Variants in RYR3 observed in about 807,000 individuals in gnomAD.
RYR3 encodes the protein ryanodine receptor 3.
A neutral mutation model predicts 584.3 loss-of-function variants in RYR3; 207 were observed. That is an observed-to-expected ratio of 0.35 (90% CI 0.32 to 0.40). The LOEUF (loss-of-function observed/expected upper bound fraction) is 0.40. RYR3 is among the 10% of genes least tolerant of loss of function. RYR3 has a pLI of 1.00. For missense variants in RYR3, 5,616 were observed against 6,089.2 expected, an observed-to-expected ratio of 0.92 and a Z score of 2.59; for synonymous variants, 2,416 against 2,248.5, an observed-to-expected ratio of 1.07 and a Z score of -2.11.
chr15:33,325,484 T>C (rs754740145), intron 1 of RYR3, among the ~76,000 whole-genome samples: 3 of 152,188 alleles, frequency 2.0e-5, no homozygotes, highest in Non-Finnish European at 4.4e-5. Context: ...TGTTTCTACT[T>C]TTATATTACT....
intron 2 of RYR3, among the ~76,000 whole-genome samples, chr15:33,489,066 G>C (rs2050743089): frequency 6.6e-6 from 1 of 152,072 alleles, no homozygotes; most frequent in African/African-American, 2.4e-5. Flanking sequence ...CTTCTAACTT[G>C]CTGTAAAATG....
rs1463417369 is a variant in RYR3 at position 33,722,767 on chromosome 15, C to T, written c.6672C>T (p.Arg2224=). ...ASVVVKLLIR[R]PECFGPALRG... ...TTGTGGTCAAGCTGCTCATCAGACG[C>T]CCAGAGTGCTTCGGCCCGGCCCTGC... is the stretch of plus-strand genomic sequence containing the variant. The change falls in exon 44 of 104, where the codon CGC becomes CGT. Residue 2224 remains arginine (R), a synonymous_variant. Transcript: ENST00000634891. 2 of 1,613,370 alleles carry T rather than the reference C, an allele frequency of 1.2e-6. No homozygotes were observed. The highest frequency in any genetic ancestry group is 8.5e-7 in the Non-Finnish European group (1 of 1,179,654).
chr15:33,497,256 G>C (rs1315416901), intron 2 of RYR3, among the ~76,000 whole-genome samples: 1 of 151,998 alleles, frequency 6.6e-6, no homozygotes, highest in Non-Finnish European at 1.5e-5. Context: ...CAAATGAGAG[G>C]TCCCAGTGGG....
At chr15:33,606,774 T>C (rs565258045) in intron 18 of RYR3, among the ~76,000 whole-genome samples, 69 of 152,280 alleles carry the variant, frequency 4.5e-4, no homozygotes, top group African/African-American at 1.6e-3. Context: ...CACAGTATGT[T>C]ACTGGCTGGG....
At chr15:33,343,620 T>C (rs1012980166) in intron 1 of RYR3, among the ~76,000 whole-genome samples, 7 of 152,214 alleles carry the variant, frequency 4.6e-5, no homozygotes, top group Non-Finnish European at 1.0e-4. Context: ...AAAGAAATTG[T>C]TGTTATCAGT....
intron 3 of RYR3, among the ~76,000 whole-genome samples, chr15:33,517,204 A>G (rs1270852693): frequency 6.6e-6 from 1 of 152,286 alleles, no homozygotes; most frequent in South Asian, 2.1e-4. Flanking sequence ...CGTGTTGGCC[A>G]GGGTGGTCTT....
At chr15:33,834,795 C>T (rs981585801) in intron 86 of RYR3, among the ~76,000 whole-genome samples, 173 bp from the exon 87 acceptor site, 4 of 152,088 alleles carry the variant, frequency 2.6e-5, no homozygotes, top group Admixed American at 2.6e-4. Context: ...ATATGGTATC[C>T]TATAATCAGG....
chr15:33,781,926 A>G (rs2074412039), intron 65 of RYR3, among the ~76,000 whole-genome samples: 1 of 147,206 alleles, frequency 6.8e-6, no homozygotes, highest in South Asian at 2.2e-4. Context: ...CTGGCTTTCC[A>G]CCAAAGTGGA....
At chr15:33,853,508 T>G in intron 95 of RYR3, 47 bp from the exon 96 acceptor site, 2 of 1,595,564 alleles carry the variant, frequency 1.3e-6, no homozygotes, top group Non-Finnish European at 1.7e-6. Context: ...AGAAAATATT[T>G]GGTGGTGGCG....
At chr15:33,633,676 G>T (rs1184502532) in intron 24 of RYR3, among the ~76,000 whole-genome samples, 1 of 152,186 alleles carries the variant, frequency 6.6e-6, no homozygotes, top group East Asian at 1.9e-4. Context: ...TGCAAACTAT[G>T]GGGGGAGGAG....
At chr15:33,492,559 G>A (rs866869353) in intron 2 of RYR3, among the ~76,000 whole-genome samples, 1 of 152,098 alleles carries the variant, frequency 6.6e-6, no homozygotes. Context: ...AGGCATTGGG[G>A]AAAAATCTCA....
In RYR3 at chr15:33,633,125, C is replaced by T. The variant is rs763446594; in HGVS notation, c.3027+17C>T. On this transcript the variant is annotated intron_variant, in intron 24 of 103. Coordinates refer to ENST00000634891, the MANE Select transcript of RYR3 (RefSeq NM_001036.6). ...ATCCAACAGGTAAGAAATTCTGGGT[C>T]AGGCATGCTGGAAAACTTAGAAGAT... The T allele has an allele frequency of 1.2e-6, 2 of 1,609,984 alleles. No individual in the cohort carries two copies. Among genetic ancestry groups the T allele is most frequent in the Non-Finnish European group, 1.7e-6 (2 of 1,177,390 alleles).
At position 33,788,390 on chromosome 15, in the gene RYR3, G is replaced by C; in HGVS notation, c.9762G>C (p.Glu3254Asp). 1 of 1,614,008 alleles carries C rather than the reference G, an allele frequency of 6.2e-7. No homozygotes were observed. Among genetic ancestry groups the C allele is most frequent in the Non-Finnish European group, 8.5e-7 (1 of 1,179,878 alleles). Reference protein sequence around the residue: ...TQEAELLILDEFAVLCRDLYA... With the variant: ...TQEAELLILDDFAVLCRDLYA... The stretch of plus-strand genomic sequence containing the variant: ...AGGCAGAACTCCTCATCCTGGACGA[G>C]TTCGCGGTCCTCTGCAGAGATCTCT... Residue 3254 changes from glutamate (E) to aspartate (D), a missense_variant, in exon 67 of 104, where the codon GAG becomes GAC. Physicochemically the swap from Glu to Asp is conservative, Grantham distance 45. This residue lies in a region of RYR3 where 954 missense variants were observed against 1,132.2 expected (regional missense o/e 0.84). Coordinates refer to ENST00000634891, the MANE Select transcript of RYR3 (RefSeq NM_001036.6).
At chr15:33,334,269 C>T (rs2140713827) in intron 1 of RYR3, among the ~76,000 whole-genome samples, 1 of 152,172 alleles carries the variant, frequency 6.6e-6, no homozygotes, top group Admixed American at 6.5e-5. Flanking sequence ...TCATGCTACT[C>T]AACTTCAAAC....
intron 84 of RYR3, 76 bp from the exon 85 acceptor site, chr15:33,827,118 TATCTG>T (rs2077417232): frequency 8.8e-7 from 1 of 1,141,856 alleles, no homozygotes; most frequent in Non-Finnish European, 1.3e-6. Flanking sequence ...TAGAATGTCT[TATCTG>T]AGCTCAGCTG....
rs2049562817 is a variant in RYR3, at chr15:33,477,908, A to ACCAGGGG, written c.171+4371_171+4372insCAGGGGC. Among the ~76,000 whole-genome samples, 5 of 128,942 alleles carry ACCAGGGG rather than the reference A, an allele frequency of 3.9e-5. 1 individual carries two copies. Among genetic ancestry groups the ACCAGGGG allele is most frequent in the Non-Finnish European group, 6.4e-5 (4 of 62,742 alleles). 84.6% of individuals were successfully genotyped at this position (128,942 alleles called of 152,430 possible). On this transcript the variant is annotated intron_variant, in intron 2 of 103. Coordinates refer to ENST00000634891, the MANE Select transcript of RYR3 (RefSeq NM_001036.6). ...AAAAAAAAAAAAAAAAAAAAAAAAG[A>ACCAGGGG]CTAGGGGCTATTACCAGAGACTCAG...
At chr15:33,500,004 G>C (rs904937987) in intron 2 of RYR3, among the ~76,000 whole-genome samples, 36 of 152,208 alleles carry the variant, frequency 2.4e-4, no homozygotes, top group African/African-American at 7.2e-4. Flanking sequence ...TCTGTCTACA[G>C]CCACAGCCAT....
intron 85 of RYR3, among the ~76,000 whole-genome samples, chr15:33,828,017 T>C (rs1941854285): frequency 6.6e-6 from 1 of 152,248 alleles, no homozygotes; most frequent in African/African-American, 2.4e-5. Context: ...CAAGTCTATC[T>C]GTGCCGTTTT....
At position 33,500,858 on chromosome 15, in the gene RYR3, G is replaced by A. The variant is rs546678520; in HGVS notation, c.172-2773G>A. 5.9e-5 allele frequency among the ~76,000 whole-genome samples: 9 copies of A among 152,328 alleles called. No individual in the cohort carries two copies. The South Asian group carries it at 1.9e-3, about 32-fold the overall frequency. On this transcript the variant is annotated intron_variant, in intron 2 of 103. Coordinates refer to ENST00000634891, the MANE Select transcript of RYR3 (RefSeq NM_001036.6). ...GGAGTTTAATTAAGGATGGCAGCTGGCATAGCAGGTCAGATGGCTCTGTGC... is the reference window on the plus strand; with the variant it reads ...GGAGTTTAATTAAGGATGGCAGCTGACATAGCAGGTCAGATGGCTCTGTGC...
Sources: gnomAD v4.1 joint callset for allele counts (sites outside exome capture counted in the v4.1 genomes callset) on GRCh38, gnomAD v4.1.1 for gene constraint, gnomAD v4.1.1 regional missense constraint, MANE v1.5 for transcripts, NCBI Gene and HGNC (gene_info 2026-07-23, HGNC 2026-07-21) for gene names.